Variants in FER1L6 observed in about 807,000 individuals in gnomAD.
The protein encoded by FER1L6 is fer-1-like protein 6.
In FER1L6, 177 loss-of-function variants were observed where a neutral mutation model predicts 219.2. The observed-to-expected ratio is 0.81, with a 90% CI of 0.71 to 0.91. The LOEUF (loss-of-function observed/expected upper bound fraction) is 0.91, where lower values mean the gene tolerates loss of function less well. Ranked by LOEUF, FER1L6 falls within the 40% of genes least tolerant of loss-of-function variation. FER1L6 has a pLI of 0.00. For synonymous variants in FER1L6, 768 were observed against 824.3 expected (o/e 0.93, Z 1.17); for missense variants, 2,153 against 2,259.9 (o/e 0.95, Z 0.96).
rs1344865709 is a variant in FER1L6, at chr8:123,933,888, G to C, written c.-7-22104G>C. Among the ~76,000 whole-genome samples the C allele has an allele frequency of 3.3e-5, 5 of 152,236 alleles. No homozygotes were observed. In the East Asian group the frequency reaches 9.7e-4, roughly 29 times the overall value. On this transcript the variant is annotated intron_variant, in intron 1 of 40. Transcript: ENST00000522917. ...ATCTGCAGAAGCATTTCAAGATAGAGTAATAAACACCTGTAGGCATTTTAC... is the reference window on the plus strand; with the variant it reads ...ATCTGCAGAAGCATTTCAAGATAGACTAATAAACACCTGTAGGCATTTTAC...
chr8:124,091,529 C>T lies in FER1L6; in HGVS notation c.4498C>T (p.Gln1500Ter). 2 of 1,613,996 alleles carry T rather than the reference C, an allele frequency of 1.2e-6. No individual in the cohort carries two copies. Among genetic ancestry groups the T allele is most frequent in the South Asian group, 1.1e-5 (1 of 91,062 alleles). The change falls in exon 34 of 41, where the codon CAG (glutamine) becomes TAG (stop). Residue 1500 changes from glutamine to a stop codon, truncating the protein, a stop_gained. Transcript: ENST00000522917. LOFTEE classifies it high-confidence loss of function. ...DGPYFHPGKI[Q>*]IGNQVFSGKT... Reference sequence around the variant, plus strand: ...ACCCTACTTTCACCCTGGGAAAATACAGATAGGAAACCAAGTCTTTTCTGG... The same window carrying T: ...ACCCTACTTTCACCCTGGGAAAATATAGATAGGAAACCAAGTCTTTTCTGG...
At chr8:124,087,852 G>C (rs1821849182) in intron 33 of FER1L6, among the ~76,000 whole-genome samples, 1 of 152,160 alleles carries the variant, frequency 6.6e-6, no homozygotes. Context: ...GATATTGCCT[G>C]GGTGGTCTTG....
At chr8:123,982,960 C>T (rs950279478) in intron 11 of FER1L6, among the ~76,000 whole-genome samples, 1 of 152,208 alleles carries the variant, frequency 6.6e-6, no homozygotes, top group Non-Finnish European at 1.5e-5. Flanking sequence ...CCACAGAAGT[C>T]ACACAATGAC....
At chr8:124,040,055 T>C (rs551013439) in intron 20 of FER1L6, 49 bp downstream of exon 20, 1 of 1,611,202 alleles carries the variant, frequency 6.2e-7, no homozygotes, top group Admixed American at 1.7e-5. Context: ...AGCCTGCAAC[T>C]GACCCACAGA....
chr8:124,057,283 T>A (rs192925414), intron 22 of FER1L6, among the ~76,000 whole-genome samples: 6 of 152,328 alleles, frequency 3.9e-5, no homozygotes, highest in Admixed American at 3.3e-4. Context: ...GAAGGTATTA[T>A]TCCATTGTTT....
At chr8:124,016,093 T>C (rs1452469764) in intron 15 of FER1L6, 1 of 152,554 alleles carries the variant, frequency 6.6e-6, no homozygotes, top group African/African-American at 2.4e-5. Flanking sequence ...TTTACCCCAA[T>C]GTTAACGAGG....
chr8:124,078,238 CAGTT>C (rs1821378121), intron 32 of FER1L6, among the ~76,000 whole-genome samples: 1 of 152,076 alleles, frequency 6.6e-6, no homozygotes, highest in African/African-American at 2.4e-5. Context: ...AAATGCCAGT[CAGTT>C]GTCAGTGGGA....
At position 123,966,121 on chromosome 8, in the gene FER1L6, G is replaced by A. The variant is rs778770292; in HGVS notation, c.253-38G>A. 20 of 1,613,640 alleles carry A rather than the reference G, an allele frequency of 1.2e-5. 1 individual carries two copies. The highest frequency in any genetic ancestry group is 6.7e-5 in the African/African-American group (5 of 74,902). ...AGTGCTTCCTGTGTGCATGGATGGCGGTGTCCGGAATGGTGTCCACACTGC... is the reference window on the plus strand; with the variant it reads ...AGTGCTTCCTGTGTGCATGGATGGCAGTGTCCGGAATGGTGTCCACACTGC... On this transcript the variant is annotated intron_variant, in intron 4 of 40. Coordinates refer to ENST00000522917, the MANE Select transcript of FER1L6 (RefSeq NM_001039112.2).
intron 39 of FER1L6, among the ~76,000 whole-genome samples, chr8:124,109,810 T>C (rs927967911): frequency 7.2e-5 from 11 of 152,154 alleles, no homozygotes; most frequent in Non-Finnish European, 1.6e-4. Context: ...GCTGCTATCT[T>C]GAGGGGAAGA....
chr8:123,866,674 A>C (rs1303154114), intron 1 of FER1L6, among the ~76,000 whole-genome samples: 1 of 152,160 alleles, frequency 6.6e-6, no homozygotes, highest in Non-Finnish European at 1.5e-5. Context: ...GCTCGAGTGC[A>C]GTGGTGCTAT....
At chr8:124,040,764 CCT>C (rs1490726111) in intron 20 of FER1L6, 2 of 152,262 alleles carry the variant, frequency 1.3e-5, no homozygotes, top group African/African-American at 4.8e-5. Flanking sequence ...CTCGCTCAGG[CCT>C]CTCTTCCTCT....
intron 1 of FER1L6, among the ~76,000 whole-genome samples, chr8:123,855,589 G>A (rs1462114514): frequency 6.6e-6 from 1 of 151,658 alleles, no homozygotes; most frequent in Non-Finnish European, 1.5e-5. Flanking sequence ...ACATGATCTT[G>A]GGCCGGCTGT....
intron 37 of FER1L6, among the ~76,000 whole-genome samples, chr8:124,100,428 CT>C (rs1222895879): frequency 1.3e-5 from 2 of 152,160 alleles, no homozygotes; most frequent in Admixed American, 1.3e-4. Flanking sequence ...GCTATAATTG[CT>C]TCCAGTGTAC....
Position 124,049,710 on chromosome 8 carries a change from G to T in FER1L6, c.2828G>T (p.Gly943Val). ...PRLCYHPIFC[G>V]NLSGGDLLAV... ...TTATGCTATCACCCCATCTTTTGTGGGAATCTCTCTGGAGGGGATCTCCTT... is the reference window on the plus strand; with the variant it reads ...TTATGCTATCACCCCATCTTTTGTGTGAATCTCTCTGGAGGGGATCTCCTT... Residue 943 changes from glycine to valine, a missense_variant, in exon 22 of 41, where the codon GGG becomes GTG. By Grantham distance (109) the Gly-to-Val change is moderately radical. Coordinates refer to ENST00000522917, the MANE Select transcript of FER1L6 (RefSeq NM_001039112.2). The T allele has an allele frequency of 6.2e-7, 1 of 1,614,046 alleles. No homozygotes were observed. The highest frequency in any genetic ancestry group is 1.1e-5 in the South Asian group (1 of 91,068).
At chr8:123,887,869 T>TA (rs1325986754) in intron 1 of FER1L6, among the ~76,000 whole-genome samples, 1 of 152,190 alleles carries the variant, frequency 6.6e-6, no homozygotes, top group Admixed American at 6.5e-5. Flanking sequence ...CAGATCCAGA[T>TA]AAAATAGAAA....
At chr8:124,116,275 G>T (rs959810649) in intron 39 of FER1L6, among the ~76,000 whole-genome samples, 5 of 152,292 alleles carry the variant, frequency 3.3e-5, no homozygotes, top group African/African-American at 1.2e-4. Context: ...GAAACACCAT[G>T]CAAGTTATAA....
chr8:123,865,272 T>G (rs1319532096), intron 1 of FER1L6, among the ~76,000 whole-genome samples: 1 of 149,670 alleles, frequency 6.7e-6, no homozygotes, highest in Non-Finnish European at 1.5e-5. Flanking sequence ...TGCTGGGGGG[T>G]GCCTCCCAGT....
At chr8:124,028,579 C>G (rs1023688175) in intron 18 of FER1L6, among the ~76,000 whole-genome samples, 1 of 152,142 alleles carries the variant, frequency 6.6e-6, no homozygotes, top group Non-Finnish European at 1.5e-5. Context: ...TCTCTAAACT[C>G]TCTAAGCTAA....
chr8:124,048,758 A>G (rs558016077), intron 21 of FER1L6, among the ~76,000 whole-genome samples: 1 of 152,332 alleles, frequency 6.6e-6, no homozygotes, highest in African/African-American at 2.4e-5. Flanking sequence ...GGTGTGAGGC[A>G]TTCAGAGGTT....
Sources: gnomAD v4.1 joint callset for allele counts (sites outside exome capture counted in the v4.1 genomes callset) on GRCh38, gnomAD v4.1.1 for gene constraint, MANE v1.5 for transcripts, NCBI Gene and HGNC (gene_info 2026-07-23, HGNC 2026-07-21) for gene names.